The following PTPRQ variants were observed in gnomAD, a reference collection of about 807,000 sequenced individuals.
PTPRQ encodes the protein phosphatidylinositol phosphatase PTPRQ.
PTPRQ carries 199 observed loss-of-function variants against 246.0 expected under a neutral mutation model. The ratio of observed to expected loss-of-function variants is 0.81; its 90% CI spans 0.72 to 0.91. The LOEUF is 0.91. Ranked by LOEUF, PTPRQ falls within the 40% of genes least tolerant of loss-of-function variation. PTPRQ has a pLI of 0.00. For synonymous variants in PTPRQ, 869 were observed against 853.2 expected (o/e 1.02, Z -0.32); for missense variants, 2,624 against 2,528.4 (o/e 1.04, Z -0.81).
At position 80,635,014 on chromosome 12, in the gene PTPRQ, G is replaced by T. The variant is rs1441935176; in HGVS notation, c.5856G>T (p.Leu1952Phe). The change falls in exon 35 of 45, where the codon TTG becomes TTT. Residue 1952 changes from leucine to phenylalanine, a missense_variant. Transcript: ENST00000644991. ...PQDAEIIDTKLKLDQLITVAD... is the reference protein window; with the variant it reads ...PQDAEIIDTKFKLDQLITVAD... Reference sequence around the variant, plus strand: ...ATGCAGAAATTATTGACACTAAATTGAAGCTGGATCAGCTCATCACAGTGG... The same window carrying T: ...ATGCAGAAATTATTGACACTAAATTTAAGCTGGATCAGCTCATCACAGTGG... The T allele has an allele frequency of 1.9e-6, 3 of 1,551,322 alleles. No individual in the cohort carries two copies. The highest frequency in any genetic ancestry group is 1.4e-5 in the African/African-American group (1 of 73,030).
chr12:80,575,839 CAAAAAAAAAAA>C (rs201432092), intron 25 of PTPRQ, among the ~76,000 whole-genome samples: 1 of 47,152 alleles, frequency 2.1e-5, no homozygotes, highest in Non-Finnish European at 4.8e-5. Flanking sequence ...AACCCCATCT[CAAAAAAAAAAA>C]AAAAAAAGAA....
chr12:80,494,395 T>G (rs540196011), intron 10 of PTPRQ, among the ~76,000 whole-genome samples: 2 of 152,194 alleles, frequency 1.3e-5, no homozygotes, highest in Non-Finnish European at 2.9e-5. Context: ...CAAGAATTAT[T>G]TGGTTTACTG....
At chr12:80,504,135 A>C (rs11114482) in intron 14 of PTPRQ, among the ~76,000 whole-genome samples, 2,239 of 151,616 alleles carry the variant, frequency 0.015, 23 homozygotes, top group Middle Eastern at 0.034. Context: ...CATTTTCTCT[A>C]CTATTTTAGA....
At chr12:80,549,817 A>G (rs1215720433) in intron 25 of PTPRQ, 83 bp downstream of exon 25, 11 of 1,441,676 alleles carry the variant, frequency 7.6e-6, no homozygotes, top group Admixed American at 5.6e-5. Flanking sequence ...TCTTTATAGC[A>G]TACTTATCTA....
chr12:80,529,990 A>C (rs1895797001), intron 17 of PTPRQ, among the ~76,000 whole-genome samples: 1 of 152,158 alleles, frequency 6.6e-6, no homozygotes, highest in South Asian at 2.1e-4. Context: ...ATTTTAGATA[A>C]TAATTATTGT....
intron 25 of PTPRQ, among the ~76,000 whole-genome samples, chr12:80,584,605 A>G (rs900945867): frequency 6.6e-6 from 1 of 152,076 alleles, no homozygotes; most frequent in African/African-American, 2.4e-5. Flanking sequence ...GCTGTTTGTT[A>G]TTGCCGACAT....
In PTPRQ at chr12:80,461,653, G is replaced by C. The variant is rs997014857; in HGVS notation, c.910+751G>C. ...TAGCTGACAGATATATCATAATATA[G>C]TATCAGGCATTAGGTTGTAATTGCT... is the stretch of plus-strand genomic sequence containing the variant. On this transcript the variant is annotated intron_variant, in intron 6 of 44. Transcript: ENST00000644991. Among the ~76,000 whole-genome samples, 3 of 150,422 alleles carry C rather than the reference G, an allele frequency of 2.0e-5. No homozygotes were observed. The East Asian group carries it at 5.8e-4, about 29-fold the overall frequency.
intron 32 of PTPRQ, 24 bp downstream of exon 32, chr12:80,620,400 T>C (rs1049782768): frequency 1.3e-6 from 2 of 1,545,540 alleles, no homozygotes; most frequent in African/African-American, 1.4e-5. Context: ...ATATCTACCA[T>C]GCATTCTGTT....
At chr12:80,524,841 A>C (rs1442267038) in intron 17 of PTPRQ, among the ~76,000 whole-genome samples, 1 of 152,206 alleles carries the variant, frequency 6.6e-6, no homozygotes, top group South Asian at 2.1e-4. Context: ...ATTCACACCC[A>C]GATCTGTGTT....
chr12:80,591,663 G>T, intron 26 of PTPRQ, among the ~76,000 whole-genome samples: 1 of 152,160 alleles, frequency 6.6e-6, no homozygotes, highest in East Asian at 1.9e-4. Context: ...TGCTGATTTT[G>T]TCAAGAAATA....
At chr12:80,479,947 A>C (rs1235277750) in intron 8 of PTPRQ, among the ~76,000 whole-genome samples, 2 of 151,834 alleles carry the variant, frequency 1.3e-5, no homozygotes, top group Non-Finnish European at 2.9e-5. Context: ...CCCCACTGTC[A>C]ACATTAGACA....
rs779134769 is a variant in PTPRQ, at chr12:80,632,178, T to C, written c.5687-14T>C. ...ATAATAATATTTAATGATCCTGTTA[T>C]CCCTCTTCTCCAGGGGAAGGACTTT... On this transcript the variant is annotated splice_polypyrimidine_tract_variant and intron_variant, in intron 33 of 44. Coordinates refer to ENST00000644991, the MANE Select transcript of PTPRQ (RefSeq NM_001145026.2). 3.2e-6 allele frequency: 5 copies of C among 1,549,384 alleles called. No homozygotes were observed. The highest frequency in any genetic ancestry group is 3.5e-6 in the Non-Finnish European group (4 of 1,146,210).
chr12:80,509,840 G>T lies in PTPRQ; in HGVS notation c.2558-483G>T, dbSNP rs1411043208. On this transcript the variant is annotated intron_variant, in intron 16 of 44. Coordinates refer to ENST00000644991, the MANE Select transcript of PTPRQ (RefSeq NM_001145026.2). ...ACTTTTTAATGACACAACAGAGATT[G>T]AGGAATGTAGTTTTCATCATTTGTG... Among the ~76,000 whole-genome samples, 3 of 152,046 alleles carry T rather than the reference G, an allele frequency of 2.0e-5. No individual in the cohort carries two copies. In the East Asian group the frequency reaches 5.8e-4, roughly 29 times the overall value.
At chr12:80,546,883 T>C in intron 24 of PTPRQ, 186 bp downstream of exon 24, 1 of 582,476 alleles carries the variant, frequency 1.7e-6, no homozygotes, top group Non-Finnish European at 2.7e-6. Flanking sequence ...TTTATACATA[T>C]ATTTTCACAC....
At chr12:80,486,419 G>A (rs1894277380) in intron 9 of PTPRQ, among the ~76,000 whole-genome samples, 1 of 152,108 alleles carries the variant, frequency 6.6e-6, no homozygotes, top group African/African-American at 2.4e-5. Context: ...TGGTGTTTGG[G>A]TTTACCTTTC....
At chr12:80,500,468 A>G (rs1434291017) in intron 14 of PTPRQ, among the ~76,000 whole-genome samples, 2 of 151,984 alleles carry the variant, frequency 1.3e-5, no homozygotes. Flanking sequence ...TCAGGAATAC[A>G]TATTTACACA....
intron 23 of PTPRQ, among the ~76,000 whole-genome samples, chr12:80,545,469 T>C (rs1896274886): frequency 6.6e-6 from 1 of 152,084 alleles, no homozygotes; most frequent in African/African-American, 2.4e-5. Context: ...GTAAGATTCC[T>C]ACATTTATAT....
intron 26 of PTPRQ, among the ~76,000 whole-genome samples, chr12:80,601,023 C>T (rs1898125326): frequency 6.6e-6 from 1 of 151,668 alleles, no homozygotes; most frequent in South Asian, 2.1e-4. Flanking sequence ...TTTCTCCAAA[C>T]AGCCAAACAG....
intron 9 of PTPRQ, among the ~76,000 whole-genome samples, chr12:80,485,927 A>G (rs1288308902): frequency 6.6e-6 from 1 of 152,046 alleles, no homozygotes; most frequent in Non-Finnish European, 1.5e-5. Context: ...TTCTCGTCTC[A>G]TAGTAGAGAG....
Sources: allele counts gnomAD v4.1 joint callset (sites outside exome capture counted in the v4.1 genomes callset), GRCh38; gene constraint gnomAD v4.1.1; transcripts MANE v1.5; gene names NCBI Gene and HGNC (gene_info 2026-07-23, HGNC 2026-07-21).